CLSTN1: variants seen among roughly 807,000 people sequenced by gnomAD.
CLSTN1 encodes calsyntenin-1.
CLSTN1 carries 28 observed loss-of-function variants against 108.3 expected under a neutral mutation model. The observed-to-expected ratio is 0.26, with a 90% CI of 0.19 to 0.35. The LOEUF (loss-of-function observed/expected upper bound fraction) is 0.35. CLSTN1 is among the 10% of genes least tolerant of loss of function. CLSTN1 has a pLI of 1.00. For missense variants in CLSTN1, 1,157 were observed against 1,302.6 expected (o/e 0.89, Z 1.72); for synonymous variants, 524 against 534.9 (o/e 0.98, Z 0.28).
intron 11 of CLSTN1, among the ~76,000 whole-genome samples, chr1:9,736,815 T>C (rs1650714753): frequency 6.6e-6 from 1 of 152,200 alleles, no homozygotes; most frequent in African/African-American, 2.4e-5. Flanking sequence ...GGCTCACGCC[T>C]GTAATCCCAG....
At chr1:9,785,190 C>T (rs1305717561) in intron 1 of CLSTN1, among the ~76,000 whole-genome samples, 5 of 151,808 alleles carry the variant, frequency 3.3e-5, no homozygotes, top group Non-Finnish European at 4.4e-5. Context: ...GTATTTTTAG[C>T]GGAGACAGGG....
At chr1:9,810,171 G>T (rs1384670445) in intron 1 of CLSTN1, among the ~76,000 whole-genome samples, 10 of 140,604 alleles carry the variant, frequency 7.1e-5, no homozygotes, top group Non-Finnish European at 3.1e-5. Context: ...GGAAGGGAGG[G>T]AAGGCAGGCA....
intron 4 of CLSTN1, among the ~76,000 whole-genome samples, chr1:9,753,958 A>G (rs1276816089): frequency 1.3e-5 from 2 of 151,820 alleles, no homozygotes; most frequent in Non-Finnish European, 2.9e-5. Flanking sequence ...GACCACAGGC[A>G]TGTGCCACCA....
chr1:9,750,715 CAAAAAAA>C (rs775430059), intron 5 of CLSTN1, among the ~76,000 whole-genome samples: 2 of 77,168 alleles, frequency 2.6e-5, no homozygotes, highest in African/African-American at 4.3e-5. Context: ...TTCCCTCAAA[CAAAAAAA>C]AAAAAAAAAA....
intron 7 of CLSTN1, 116 bp downstream of exon 7, chr1:9,749,345 G>A (rs12021553): frequency 9.4e-7 from 1 of 1,066,020 alleles, no homozygotes; most frequent in Non-Finnish European, 1.3e-6. Context: ...CAGAAATGCA[G>A]ATTCTCTGTC....
At chr1:9,759,571 C>T (rs777921540) in intron 2 of CLSTN1, among the ~76,000 whole-genome samples, 6 of 152,232 alleles carry the variant, frequency 3.9e-5, no homozygotes, top group African/African-American at 9.6e-5. Flanking sequence ...CGTGAGCCAC[C>T]GCGCCTGGCC....
chr1:9,731,774 G>A lies in CLSTN1; in HGVS notation c.2550C>T (p.Pro850=), dbSNP rs777537044. Residue 850 remains proline (P), a synonymous_variant, in exon 17 of 19, where the codon CCC becomes CCT. Transcript: ENST00000377298. The part of the protein sequence containing the change: ...VDLSGHNLAN[P]HPFAVVPSTA... ...CCCATGTCCTACCTGCGAACGGGTG[G>A]GGGTTGGCCAGGTTGTGGCCTGACA... 3.1e-6 allele frequency: 5 copies of A among 1,614,120 alleles called. No individual in the cohort carries two copies. Among genetic ancestry groups the A allele is most frequent in the Non-Finnish European group, 4.2e-6 (5 of 1,180,044 alleles).
At position 9,735,096 on chromosome 1, in the gene CLSTN1, C is replaced by G. The variant is rs1431352136; in HGVS notation, c.1962G>C (p.Lys654Asn). Residue 654 changes from lysine to asparagine, a missense_variant, in exon 14 of 19, where the codon AAG becomes AAC. Transcript: ENST00000377298. ...AATGGTGGACGCCACTCAGGCTGAT[C>G]TTGGGCTCCTCGGGCTGTAAAACCA... is the stretch of plus-strand genomic sequence containing the variant. ...YVMVLQPEEPKISLSGVHHFA... is the reference protein window; with the variant it reads ...YVMVLQPEEPNISLSGVHHFA... 1.9e-6 allele frequency: 3 copies of G among 1,614,212 alleles called. No homozygotes were observed. The highest frequency in any genetic ancestry group is 1.1e-5 in the South Asian group (1 of 91,090).
intron 1 of CLSTN1, among the ~76,000 whole-genome samples, chr1:9,811,186 T>A (rs1180119556): frequency 1.3e-5 from 2 of 152,160 alleles, no homozygotes; most frequent in African/African-American, 4.8e-5. Flanking sequence ...GTTATTAAAG[T>A]CAGCAGAAGG....
At chr1:9,731,964 G>GTCCC (rs1650424585) in intron 16 of CLSTN1, 68 bp from the exon 17 acceptor site, 1 of 1,596,544 alleles carries the variant, frequency 6.3e-7, no homozygotes, top group African/African-American at 1.3e-5. Flanking sequence ...TGACAGTGGA[G>GTCCC]TCCCGCAGCT....
At position 9,734,858 on chromosome 1, in the gene CLSTN1, C is replaced by T; in HGVS notation, c.2110+90G>A. 1 of 1,112,440 alleles carries T rather than the reference C, an allele frequency of 9.0e-7. No individual in the cohort carries two copies. Among genetic ancestry groups the T allele is most frequent in the African/African-American group, 1.6e-5 (1 of 64,172 alleles). 68.9% of individuals were successfully genotyped at this position (1,112,440 alleles called of 1,614,324 possible). On this transcript the variant is annotated intron_variant, in intron 14 of 18. Transcript: ENST00000377298. The surrounding 1 kb of genome is among the most constrained non-coding windows in gnomAD (Gnocchi z 4.8). Reference sequence around the variant, plus strand: ...ACGAAAGATTAAAACCTCCCCAAATCCCACAGAGACAAAGAGCCCCGCCAA... The same window carrying T: ...ACGAAAGATTAAAACCTCCCCAAATTCCACAGAGACAAAGAGCCCCGCCAA...
chr1:9,784,550 C>T (rs1228288507), intron 1 of CLSTN1, among the ~76,000 whole-genome samples: 1 of 152,112 alleles, frequency 6.6e-6, no homozygotes, highest in African/African-American at 2.4e-5. Flanking sequence ...GTGATGTGTG[C>T]CTCTTATCAT....
Position 9,730,425 on chromosome 1 carries a change from G to A in CLSTN1, c.*83C>T. The A allele has an allele frequency of 7.5e-7, 1 of 1,329,694 alleles. No homozygotes were observed. Among genetic ancestry groups the A allele is most frequent in the East Asian group, 2.3e-5 (1 of 43,490 alleles). The allele number at this position is 1,329,694 out of a possible 1,614,324, so 82.4% of individuals were successfully genotyped here. A position where few individuals can be genotyped will look rare whatever the true frequency, so the allele number is the denominator to read the frequency against. ...CACACCTACTGGCCGAAATGACTTT[G>A]TACATCGTGGACCCTTGGGACTGGG... On this transcript the variant is annotated 3_prime_UTR_variant, in exon 19 of 19. Coordinates refer to ENST00000377298, the MANE Select transcript of CLSTN1 (RefSeq NM_001009566.3). This position sits in a 1 kb window ranked among gnomAD's most constrained non-coding sequence, Gnocchi z 5.6.
Position 9,755,185 on chromosome 1 carries a change from G to C in CLSTN1, c.369C>G (p.Asp123Glu). 6.2e-7 allele frequency: 1 copy of C among 1,614,162 alleles called. No homozygotes were observed. Among genetic ancestry groups the C allele is most frequent in the Non-Finnish European group, 8.5e-7 (1 of 1,180,028 alleles). The stretch of plus-strand genomic sequence containing the variant: ...CATAGGCCTGGATGGTGAATGAATA[G>C]TCTTTCTGCAGCTCACAGTCCAGTT... Reference protein sequence around the residue: ...KEKLDCELQKDYSFTIQAYDC... With the variant: ...KEKLDCELQKEYSFTIQAYDC... Residue 123 changes from aspartate to glutamate, a missense_variant, in exon 4 of 19, where the codon GAC becomes GAG. Coordinates refer to ENST00000377298, the MANE Select transcript of CLSTN1 (RefSeq NM_001009566.3).
At chr1:9,769,489 C>T (rs1028095269) in intron 2 of CLSTN1, among the ~76,000 whole-genome samples, 5 of 152,122 alleles carry the variant, frequency 3.3e-5, no homozygotes, top group African/African-American at 1.2e-4. Flanking sequence ...TGCTAGGCAC[C>T]TAACACAGGT....
chr1:9,774,324 G>C (rs1652833444), intron 1 of CLSTN1, among the ~76,000 whole-genome samples: 1 of 152,082 alleles, frequency 6.6e-6, no homozygotes, highest in African/African-American at 2.4e-5. Flanking sequence ...CCAGCACTTT[G>C]GGAGGCTGAC....
At chr1:9,797,880 G>A (rs185058513) in intron 1 of CLSTN1, among the ~76,000 whole-genome samples, 4 of 151,848 alleles carry the variant, frequency 2.6e-5, no homozygotes, top group African/African-American at 7.2e-5. Context: ...GATCACTTGC[G>A]ACCAGGAGTT....
At chr1:9,773,514 G>A in intron 1 of CLSTN1, 120 bp from the exon 2 acceptor site, 3 of 1,103,554 alleles carry the variant, frequency 2.7e-6, no homozygotes, top group South Asian at 1.9e-5. Context: ...CTTGAAGACA[G>A]TGCTCACAGT....
intron 4 of CLSTN1, among the ~76,000 whole-genome samples, chr1:9,753,638 C>T (rs948083829): frequency 6.6e-5 from 10 of 151,580 alleles, no homozygotes; most frequent in East Asian, 3.9e-4. Flanking sequence ...ACTACAGGCG[C>T]GTGCCACCAT....
Sources: allele counts gnomAD v4.1 joint callset (sites outside exome capture counted in the v4.1 genomes callset), GRCh38; gene constraint gnomAD v4.1.1; non-coding constraint Gnocchi (gnomAD v3.1); transcripts MANE v1.5; gene names NCBI Gene and HGNC (gene_info 2026-07-23, HGNC 2026-07-21).